The following PTCHD4 variants were observed in gnomAD, a reference collection of about 807,000 sequenced individuals.
PTCHD4 encodes patched domain-containing protein 4.
Under a neutral mutation model 58.1 loss-of-function variants are expected in PTCHD4, and 33 were observed. The ratio of observed to expected loss-of-function variants is 0.57; its 90% CI spans 0.43 to 0.76. The LOEUF (loss-of-function observed/expected upper bound fraction) is 0.76. Among genes scored for constraint, PTCHD4 ranks in the 30% least tolerant of loss-of-function variants. The probability of loss-of-function intolerance (pLI) is 0.00; values close to 1 mark genes in which losing one functional copy is unlikely to be tolerated. For missense variants in PTCHD4, 1,058 were observed against 1,027.1 expected (o/e 1.03, Z -0.41); for synonymous variants, 478 against 409.6 (o/e 1.17, Z -2.02).
chr6:47,998,088 T>G (rs1169400270), intron 4 of PTCHD4, among the ~76,000 whole-genome samples: 1 of 152,152 alleles, frequency 6.6e-6, no homozygotes, highest in Non-Finnish European at 1.5e-5. Flanking sequence ...AAAATCCCAT[T>G]CTGGTTGGCA....
chr6:47,897,106 T>C (rs1239957301), intron 4 of PTCHD4, among the ~76,000 whole-genome samples: 1 of 152,184 alleles, frequency 6.6e-6, no homozygotes, highest in Non-Finnish European at 1.5e-5. Flanking sequence ...AGATGATCGT[T>C]CCCTACTTCT....
intron 3 of PTCHD4, among the ~76,000 whole-genome samples, chr6:48,050,989 G>A (rs1214882597): frequency 6.6e-6 from 1 of 151,900 alleles, no homozygotes; most frequent in African/African-American, 2.4e-5. Context: ...AGAGAAAAAT[G>A]CACATTTTCA....
chr6:47,910,354 C>T (rs1022008319), intron 4 of PTCHD4, among the ~76,000 whole-genome samples: 1 of 152,052 alleles, frequency 6.6e-6, no homozygotes, highest in Non-Finnish European at 1.5e-5. Context: ...TCTGTTAGCC[C>T]CCTATAACTT....
intron 4 of PTCHD4, among the ~76,000 whole-genome samples, chr6:47,917,799 T>C (rs1369500236): frequency 6.6e-6 from 1 of 152,132 alleles, no homozygotes; most frequent in Non-Finnish European, 1.5e-5. Flanking sequence ...ATTCTGATAG[T>C]GCTAAAGACC....
At chr6:48,003,663 C>G (rs1768827173) in intron 4 of PTCHD4, among the ~76,000 whole-genome samples, 1 of 152,146 alleles carries the variant, frequency 6.6e-6, no homozygotes. Flanking sequence ...TAAAGTATGT[C>G]AGACCACACC....
At chr6:48,088,252 G>A (rs893969725) in intron 1 of PTCHD4, among the ~76,000 whole-genome samples, 1 of 152,038 alleles carries the variant, frequency 6.6e-6, no homozygotes, top group South Asian at 2.1e-4. Context: ...TTGGAAGGGT[G>A]GGTCCCCTAA....
chr6:48,064,117 G>A (rs1764716327), intron 3 of PTCHD4, among the ~76,000 whole-genome samples: 1 of 152,156 alleles, frequency 6.6e-6, no homozygotes, highest in African/African-American at 2.4e-5. Flanking sequence ...AATGGGAATG[G>A]CAGGATTCAG....
At chr6:48,004,122 G>C (rs978665785) in intron 4 of PTCHD4, among the ~76,000 whole-genome samples, 2 of 152,104 alleles carry the variant, frequency 1.3e-5, no homozygotes, top group African/African-American at 2.4e-5. Flanking sequence ...GATCATTTCT[G>C]TTCAATGCCT....
intron 4 of PTCHD4, among the ~76,000 whole-genome samples, chr6:47,937,211 T>C (rs1766034470): frequency 6.6e-6 from 1 of 152,146 alleles, no homozygotes; most frequent in Non-Finnish European, 1.5e-5. Context: ...TTTAAGGGAA[T>C]GACTGGCTGC....
intron 4 of PTCHD4, among the ~76,000 whole-genome samples, chr6:47,985,132 TA>T (rs1392409458): frequency 2.0e-5 from 3 of 152,194 alleles, no homozygotes; most frequent in African/African-American, 7.2e-5. Flanking sequence ...GGAATTATTC[TA>T]AGAAGCTAAC....
intron 4 of PTCHD4, among the ~76,000 whole-genome samples, chr6:47,995,932 C>T (rs1057293275): frequency 5.9e-5 from 9 of 152,070 alleles, no homozygotes; most frequent in Non-Finnish European, 1.3e-4. Flanking sequence ...GAGGCACTGT[C>T]GAATGGTAGA....
At chr6:47,962,305 G>A (rs113554394) in intron 4 of PTCHD4, among the ~76,000 whole-genome samples, 211 of 152,238 alleles carry the variant, frequency 1.4e-3, no homozygotes, top group African/African-American at 4.8e-3. Flanking sequence ...AGGCATTCAG[G>A]CAACGAAGCT....
intron 3 of PTCHD4, among the ~76,000 whole-genome samples, chr6:48,020,203 T>A (rs1763016342): frequency 6.6e-6 from 1 of 151,946 alleles, no homozygotes. Flanking sequence ...CATGGCATGA[T>A]TTTTTTTCCT....
rs188472708 is a variant in PTCHD4, at chr6:48,042,343, T to C, written c.417+25887A>G. On this transcript the variant is annotated intron_variant, in intron 3 of 4. Coordinates refer to ENST00000339488, the MANE Select transcript of PTCHD4 (RefSeq NM_001384253.1). ...TCAAAAGATTTATGTTTAAGCCTAT[T>C]CTTTTTCAGCTTTGTGTCCTTGGAG... Among the ~76,000 whole-genome samples the C allele has an allele frequency of 1.1e-4, 17 of 152,164 alleles. No individual in the cohort carries two copies. The East Asian group carries it at 2.9e-3, about 26-fold the overall frequency.
Position 48,068,281 on chromosome 6 carries a change from C to A in PTCHD4, c.366G>T (p.Leu122Phe). ...TCTGCAGGATCCCCTCAGCCTGGAG[C>A]AAAATATTGTCCCCGGTTGGGGAGA... ...ILLSPTGDNI[L>F]LQAEGILQTH... is the part of the protein sequence containing the mutation. The change falls in exon 3 of 5, where the codon TTG (leucine) becomes TTT (phenylalanine). Residue 122 changes from leucine to phenylalanine, a missense_variant. Physicochemically the swap from Leu to Phe is conservative, Grantham distance 22. Transcript: ENST00000339488. The surrounding 1 kb of genome is among the most constrained non-coding windows in gnomAD (Gnocchi z 4.2). The A allele has an allele frequency of 1.9e-6, 3 of 1,608,854 alleles. No individual in the cohort carries two copies. The highest frequency in any genetic ancestry group is 2.6e-6 in the Non-Finnish European group (3 of 1,176,150).
chr6:48,027,473 G>T (rs1763288864), intron 3 of PTCHD4, among the ~76,000 whole-genome samples: 1 of 152,094 alleles, frequency 6.6e-6, no homozygotes. Context: ...AGCTTGAGAT[G>T]ATGGGTAGCT....
intron 3 of PTCHD4, among the ~76,000 whole-genome samples, chr6:48,028,555 A>G (rs1367213332): frequency 1.3e-5 from 2 of 152,066 alleles, no homozygotes; most frequent in Non-Finnish European, 2.9e-5. Context: ...GCAAAACTAC[A>G]ATTTGTTTTT....
At chr6:48,003,423 T>A (rs1276435451) in intron 4 of PTCHD4, among the ~76,000 whole-genome samples, 1 of 152,184 alleles carries the variant, frequency 6.6e-6, no homozygotes, top group Non-Finnish European at 1.5e-5. Context: ...TCATTGACAA[T>A]TCTTTTTCTC....
intron 4 of PTCHD4, among the ~76,000 whole-genome samples, chr6:48,006,928 G>A (rs192633019): frequency 5.9e-5 from 9 of 152,268 alleles, no homozygotes; most frequent in African/African-American, 1.7e-4. Context: ...TTTTATATGA[G>A]AAAAAACTGA....
Sources: allele counts gnomAD v4.1 joint callset (sites outside exome capture counted in the v4.1 genomes callset), GRCh38; gene constraint gnomAD v4.1.1; non-coding constraint Gnocchi (gnomAD v3.1); transcripts MANE v1.5; gene names NCBI Gene and HGNC (gene_info 2026-07-23, HGNC 2026-07-21).